IGSF10: variants seen among roughly 807,000 people sequenced by gnomAD.
The protein encoded by IGSF10 is calvaria mechanical force protein 608.
Under a neutral mutation model 128.2 loss-of-function variants are expected in IGSF10, and 126 were observed. The ratio of observed to expected loss-of-function variants is 0.98; its 90% CI spans 0.85 to 1.14. IGSF10 has a LOEUF of 1.14. Ranked by LOEUF, IGSF10 falls within the 50% of genes most tolerant of loss-of-function variation. The probability of loss-of-function intolerance (pLI) is 0.00; values close to 1 mark genes in which losing one functional copy is unlikely to be tolerated. For synonymous variants in IGSF10, 1,185 were observed against 1,146.2 expected (o/e 1.03, Z -0.68); for missense variants, 3,295 against 3,149.8 (o/e 1.05, Z -1.10).
At chr3:151,523,149 G>A in the IGSF10 span, among the ~76,000 whole-genome samples, 1 of 152,038 alleles carries the variant, frequency 6.6e-6, no homozygotes, top group African/African-American at 2.4e-5. Flanking sequence ...ACAAAACACT[G>A]CTCAAATAAT....
the IGSF10 span, among the ~76,000 whole-genome samples, chr3:151,501,897 A>G: frequency 6.6e-6 from 1 of 152,114 alleles, no homozygotes; most frequent in African/African-American, 2.4e-5. Flanking sequence ...GTTACACAAT[A>G]AATTGATAAC....
the IGSF10 span, among the ~76,000 whole-genome samples, chr3:151,523,707 G>A: frequency 6.6e-6 from 1 of 152,048 alleles, no homozygotes; most frequent in African/African-American, 2.4e-5. Flanking sequence ...GAATACTTTG[G>A]GAGACAACCT....
chr3:151,442,915 T>C (rs950118013), intron 7 of IGSF10, 69 bp downstream of exon 7: 15 of 1,421,220 alleles, frequency 1.1e-5, no homozygotes, highest in South Asian at 8.7e-5. Flanking sequence ...TGTGTCACTT[T>C]TTCCATTTCA....
Position 151,443,654 on chromosome 3 carries a change from G to C in IGSF10, c.5293C>G (p.Leu1765Val), listed in dbSNP as rs1720998652. ...ITVHSGSTVELKCRAEGRPSP... is the reference protein window; with the variant it reads ...ITVHSGSTVEVKCRAEGRPSP... The stretch of plus-strand genomic sequence containing the variant: ...GGCCTACCTTCTGCTCTGCACTTCA[G>C]TTCCACAGTGCTTCCGGAATGAACT... Residue 1765 changes from leucine to valine, a missense_variant, in exon 7 of 8, where the codon CTG (leucine) becomes GTG (valine). Transcript: ENST00000282466. 1 of 1,614,108 alleles carries C rather than the reference G, an allele frequency of 6.2e-7. No homozygotes were observed. The highest frequency in any genetic ancestry group is 8.5e-7 in the Non-Finnish European group (1 of 1,180,052).
At position 151,460,334 on chromosome 3, in the gene IGSF10, A is replaced by G. The variant is rs1721992797; in HGVS notation, c.-75T>C. The G allele has an allele frequency of 1.0e-6, 1 of 977,732 alleles. No homozygotes were observed. Among genetic ancestry groups the G allele is most frequent in the Admixed American group, 6.1e-5 (1 of 16,264 alleles). The allele number at this position is 977,732 out of a possible 1,614,324, so 60.6% of individuals were successfully genotyped here. A position where few individuals can be genotyped will look rare whatever the true frequency, so the allele number is the denominator to read the frequency against. On this transcript the variant is annotated 5_prime_UTR_variant, in exon 2 of 8. Transcript: ENST00000282466. ...CAGAAAATCTTCCCAGGAAATGGAAAATTGTGTCCAAACCTGAGGGAGGAA... is the reference window on the plus strand; with the variant it reads ...CAGAAAATCTTCCCAGGAAATGGAAGATTGTGTCCAAACCTGAGGGAGGAA...
At chr3:151,525,668 T>G in the IGSF10 span, among the ~76,000 whole-genome samples, 3 of 152,136 alleles carry the variant, frequency 2.0e-5, no homozygotes, top group Non-Finnish European at 2.9e-5. Flanking sequence ...TCAGTTTTCT[T>G]GCCCACTATT....
chr3:151,535,836 C>G, the IGSF10 span, among the ~76,000 whole-genome samples: 1 of 152,100 alleles, frequency 6.6e-6, no homozygotes, highest in African/African-American at 2.4e-5. Context: ...GAAAAATAAT[C>G]AAGTCTTTCC....
the IGSF10 span, among the ~76,000 whole-genome samples, chr3:151,611,667 C>T: frequency 6.6e-6 from 1 of 152,180 alleles, no homozygotes; most frequent in Admixed American, 6.5e-5. Context: ...TGCTTGCCAG[C>T]ATTATTAAGA....
the IGSF10 span, among the ~76,000 whole-genome samples, chr3:151,575,907 G>T: frequency 6.6e-6 from 1 of 152,094 alleles, no homozygotes; most frequent in Non-Finnish European, 1.5e-5. Context: ...GTGGACTTAC[G>T]TATAGGCAAT....
Position 151,437,564 on chromosome 3 carries a change from T to C in IGSF10, c.6997A>G (p.Met2333Val). ...TTTCTAAATGTCGGTCTTCTCAGCA[T>C]TTCCAGTACTTCTAACTGTACTACC... ...VLVVQLEVLE[M>V]LRRPTFRNPF... Residue 2333 changes from methionine to valine, a missense_variant, in exon 8 of 8, where the codon ATG becomes GTG. Coordinates refer to ENST00000282466, the MANE Select transcript of IGSF10 (RefSeq NM_178822.5). 6.2e-7 allele frequency: 1 copy of C among 1,614,238 alleles called. No individual in the cohort carries two copies. Among genetic ancestry groups the C allele is most frequent in the Non-Finnish European group, 8.5e-7 (1 of 1,180,046 alleles).
At chr3:151,593,500 T>C in the IGSF10 span, among the ~76,000 whole-genome samples, 1 of 152,056 alleles carries the variant, frequency 6.6e-6, no homozygotes, top group African/African-American at 2.4e-5. Context: ...TTTTTTTTTC[T>C]TTTGATTACC....
chr3:151,445,899 G>A lies in IGSF10; in HGVS notation c.4082C>T (p.Ser1361Phe). 6.2e-7 allele frequency: 1 copy of A among 1,614,202 alleles called. No individual in the cohort carries two copies. Among genetic ancestry groups the A allele is most frequent in the Non-Finnish European group, 8.5e-7 (1 of 1,180,018 alleles). Reference sequence around the variant, plus strand: ...AGTGAAGCCAGAACTCTGGTCTGGAGAGATGTTTGGGTCAGTCCTGTTCTT... The same window carrying A: ...AGTGAAGCCAGAACTCTGGTCTGGAAAGATGTTTGGGTCAGTCCTGTTCTT... The part of the protein sequence containing the change: ...QKKNRTDPNI[S>F]PDQSSGFTTP... Residue 1361 changes from serine to phenylalanine, a missense_variant, in exon 6 of 8, where the codon TCT (serine) becomes TTT (phenylalanine). By Grantham distance (155) the Ser-to-Phe change is radical. Coordinates refer to ENST00000282466, the MANE Select transcript of IGSF10 (RefSeq NM_178822.5).
the IGSF10 span, among the ~76,000 whole-genome samples, chr3:151,467,881 C>CA: frequency 0.089 from 10,090 of 113,122 alleles, 411 homozygotes; most frequent in East Asian, 0.13. Flanking sequence ...GACTCCATCT[C>CA]AAAAAAAAAA....
chr3:151,610,979 C>A, the IGSF10 span, among the ~76,000 whole-genome samples: 1 of 152,142 alleles, frequency 6.6e-6, no homozygotes, highest in Non-Finnish European at 1.5e-5. Context: ...ACATTCAAAC[C>A]ATAGCACCAA....
In IGSF10 at chr3:151,436,848, T is replaced by G. The variant is rs1227037008; in HGVS notation, c.7713A>C (p.Ser2571=). Residue 2571 remains serine, a synonymous_variant, in exon 8 of 8, where the codon TCA becomes TCC. Coordinates refer to ENST00000282466, the MANE Select transcript of IGSF10 (RefSeq NM_178822.5). ...CATGTGTCCTCTCTTTACTTGCCGT[T>G]GAGAGAAGGGAGTGGTCAGGCATCT... ...TWEMPDHSLL[S]TASKERTHGS... is the part of the protein sequence containing the mutation. 2 of 1,614,132 alleles carry G rather than the reference T, an allele frequency of 1.2e-6. No individual in the cohort carries two copies. Among genetic ancestry groups the G allele is most frequent in the South Asian group, 2.2e-5 (2 of 91,080 alleles).
the IGSF10 span, among the ~76,000 whole-genome samples, chr3:151,532,295 C>A: frequency 0.86 from 130,483 of 152,190 alleles, 56,150 homozygotes; most frequent in Middle Eastern, 0.95. Flanking sequence ...TGTTCCTAAC[C>A]ATAGAAAAGG....
intron 3 of IGSF10, among the ~76,000 whole-genome samples, 185 bp downstream of exon 3, chr3:151,458,331 T>TAA (rs1721898403): frequency 6.6e-6 from 1 of 152,166 alleles, no homozygotes; most frequent in African/African-American, 2.4e-5. Context: ...TTTCTCCTAA[T>TAA]AAAAGTTTAC....
At chr3:151,562,686 G>C in the IGSF10 span, among the ~76,000 whole-genome samples, 1 of 152,084 alleles carries the variant, frequency 6.6e-6, no homozygotes, top group Admixed American at 6.6e-5. Flanking sequence ...CCAATGTCCA[G>C]ACTAGAGCCT....
At chr3:151,440,927 T>C (rs1720816704) in intron 7 of IGSF10, 1 of 195,022 alleles carries the variant, frequency 5.1e-6, no homozygotes, top group East Asian at 1.1e-4. Flanking sequence ...CCTGAAATTC[T>C]GCTTCAATAG....
Sources: gnomAD v4.1 joint callset for allele counts (sites outside exome capture counted in the v4.1 genomes callset) on GRCh38, gnomAD v4.1.1 for gene constraint, MANE v1.5 for transcripts, NCBI Gene and HGNC (gene_info 2026-07-23, HGNC 2026-07-21) for gene names.